The following DACH1 variants were observed in gnomAD, a reference collection of about 807,000 sequenced individuals.
DACH1 encodes dachshund family transcription factor 1.
A neutral mutation model predicts 54.2 loss-of-function variants in DACH1; 12 were observed. The observed-to-expected ratio is 0.22, with a 90% confidence interval of 0.14 to 0.36. DACH1 has a LOEUF of 0.36. Among genes scored for constraint, DACH1 ranks in the 10% least tolerant of loss-of-function variants. The pLI is 1.00. For missense variants in DACH1, 805 were observed against 929.8 expected (o/e 0.87, Z 1.75); for synonymous variants, 386 against 366.2 (o/e 1.05, Z -0.62).
At chr13:71,663,660 T>C (rs1160659998) in intron 2 of DACH1, among the ~76,000 whole-genome samples, 1 of 151,874 alleles carries the variant, frequency 6.6e-6, no homozygotes, top group East Asian at 1.9e-4. Flanking sequence ...GGGACCCAAA[T>C]CTCCTTAAGA....
At chr13:71,720,743 A>G (rs1883194606) in intron 1 of DACH1, among the ~76,000 whole-genome samples, 1 of 152,170 alleles carries the variant, frequency 6.6e-6, no homozygotes, top group Non-Finnish European at 1.5e-5. Context: ...CCAGATCAAT[A>G]TAAAGGTAAA....
At chr13:71,714,163 T>G (rs1882866512) in intron 1 of DACH1, among the ~76,000 whole-genome samples, 1 of 152,038 alleles carries the variant, frequency 6.6e-6, no homozygotes, top group Non-Finnish European at 1.5e-5. Flanking sequence ...ATGGTACACT[T>G]TCATAGAAAC....
intron 1 of DACH1, among the ~76,000 whole-genome samples, chr13:71,692,505 C>CTTTTTTTTTTTTTTTTTTTTTT: frequency 1.4e-5 from 1 of 72,292 alleles, no homozygotes; most frequent in Non-Finnish European, 2.7e-5. Context: ...TCTTTTCTTT[C>CTTTTTTTTTTTTTTTTTTTTTT]CTTTTTTTTT....
At chr13:71,641,100 T>C (rs894914081) in intron 2 of DACH1, among the ~76,000 whole-genome samples, 3 of 151,642 alleles carry the variant, frequency 2.0e-5, no homozygotes, top group African/African-American at 7.3e-5. Context: ...TACATGTAAG[T>C]CTTGTTTGGG....
At chr13:71,676,320 C>T (rs1255908756) in intron 2 of DACH1, among the ~76,000 whole-genome samples, 2 of 152,078 alleles carry the variant, frequency 1.3e-5, no homozygotes, top group Non-Finnish European at 2.9e-5. Context: ...CGAGTTCAGG[C>T]GATTCTCCTG....
chr13:71,677,397 G>C (rs1286239684), intron 2 of DACH1, among the ~76,000 whole-genome samples: 1 of 152,130 alleles, frequency 6.6e-6, no homozygotes, highest in East Asian at 1.9e-4. Context: ...ATAACTTTTA[G>C]AAATTATCAC....
chr13:71,631,873 C>T (rs1362100278), intron 2 of DACH1, among the ~76,000 whole-genome samples: 5 of 152,050 alleles, frequency 3.3e-5, no homozygotes, highest in East Asian at 1.9e-4. Flanking sequence ...CAGAGACAGG[C>T]GGATCCCTTG....
intron 10 of DACH1, among the ~76,000 whole-genome samples, chr13:71,444,169 T>C (rs184115778): frequency 1.0e-3 from 159 of 152,268 alleles, no homozygotes; most frequent in African/African-American, 3.7e-3. Context: ...GGCTAAAAAT[T>C]GGACTGTTCT....
At chr13:71,863,355 T>C (rs1305154794) in intron 1 of DACH1, among the ~76,000 whole-genome samples, 1 of 150,906 alleles carries the variant, frequency 6.6e-6, no homozygotes, top group African/African-American at 2.4e-5. Flanking sequence ...CAATATTGCA[T>C]GTATTTAAGT....
At chr13:71,720,303 C>A (rs906187292) in intron 1 of DACH1, among the ~76,000 whole-genome samples, 2 of 152,166 alleles carry the variant, frequency 1.3e-5, no homozygotes. Flanking sequence ...ACTTCACTGA[C>A]ATATGAATAG....
intron 1 of DACH1, among the ~76,000 whole-genome samples, chr13:71,837,457 G>A (rs1052516543): frequency 2.0e-5 from 3 of 151,968 alleles, no homozygotes; most frequent in East Asian, 1.9e-4. Flanking sequence ...AGACACCTGA[G>A]CTGGAAACTT....
intron 2 of DACH1, among the ~76,000 whole-genome samples, chr13:71,635,893 G>C (rs1437288576): frequency 6.6e-6 from 1 of 152,058 alleles, no homozygotes; most frequent in East Asian, 1.9e-4. Context: ...CAATTCTCCT[G>C]CCTCAGCCTC....
At chr13:71,516,032 C>T (rs1015873264) in intron 6 of DACH1, among the ~76,000 whole-genome samples, 7 of 151,668 alleles carry the variant, frequency 4.6e-5, no homozygotes, top group Non-Finnish European at 2.9e-5. Flanking sequence ...ACAATAAGCA[C>T]GTTGGTAGGA....
chr13:71,805,014 T>C (rs983488954), intron 1 of DACH1, among the ~76,000 whole-genome samples: 7 of 152,276 alleles, frequency 4.6e-5, no homozygotes, highest in African/African-American at 1.4e-4. Context: ...TGTGTCTATT[T>C]AAATTAAAAT....
intron 10 of DACH1, among the ~76,000 whole-genome samples, chr13:71,461,412 GT>G (rs1367652314): frequency 1.3e-5 from 2 of 151,854 alleles, no homozygotes; most frequent in African/African-American, 4.8e-5. Flanking sequence ...TATTATAATT[GT>G]TTTTTATTCA....
chr13:71,708,407 T>G (rs928263755), intron 1 of DACH1, among the ~76,000 whole-genome samples: 7 of 152,188 alleles, frequency 4.6e-5, no homozygotes, highest in Non-Finnish European at 1.0e-4. Context: ...TTATCTGAAA[T>G]CAGTATAATT....
At chr13:71,756,155 C>G (rs1007222280) in intron 1 of DACH1, among the ~76,000 whole-genome samples, 4 of 152,012 alleles carry the variant, frequency 2.6e-5, no homozygotes, top group African/African-American at 7.2e-5. Flanking sequence ...CTCAGTCTCC[C>G]GAGTACCTGG....
chr13:71,731,016 A>G (rs998181373), intron 1 of DACH1, among the ~76,000 whole-genome samples: 2 of 152,096 alleles, frequency 1.3e-5, no homozygotes, highest in African/African-American at 2.4e-5. Context: ...GCAATTAACT[A>G]TTACCTACTT....
At chr13:71,795,763 A>G (rs963185314) in intron 1 of DACH1, among the ~76,000 whole-genome samples, 1 of 152,180 alleles carries the variant, frequency 6.6e-6, no homozygotes, top group Non-Finnish European at 1.5e-5. Flanking sequence ...AACCTCATCT[A>G]ATTTTAACCT....
Sources: allele counts gnomAD v4.1 joint callset (sites outside exome capture counted in the v4.1 genomes callset), GRCh38; gene constraint gnomAD v4.1.1; transcripts MANE v1.5; gene names NCBI Gene and HGNC (gene_info 2026-07-23, HGNC 2026-07-21).